The following RABGAP1L variants were observed in gnomAD, a reference collection of about 807,000 sequenced individuals.
RABGAP1L encodes the protein RAB GTPase activating protein 1 like.
A neutral mutation model predicts 137.7 loss-of-function variants in RABGAP1L; 63 were observed. The ratio of observed to expected loss-of-function variants is 0.46; its 90% confidence interval spans 0.37 to 0.56. RABGAP1L has a LOEUF of 0.56. Among genes scored for constraint, RABGAP1L ranks in the 20% least tolerant of loss-of-function variants. RABGAP1L has a pLI of 0.00. For synonymous variants in RABGAP1L, 431 were observed against 433.7 expected (o/e 0.99, Z 0.08); for missense variants, 1,095 against 1,244.0 (o/e 0.88, Z 1.80).
chr1:174,831,141 T>C (rs1692073991), intron 19 of RABGAP1L, among the ~76,000 whole-genome samples: 1 of 148,204 alleles, frequency 6.7e-6, no homozygotes, highest in Non-Finnish European at 1.5e-5. Flanking sequence ...TGTTGAACAA[T>C]GCTAACTCTA....
At chr1:174,635,654 T>A (rs900198907) in intron 13 of RABGAP1L, among the ~76,000 whole-genome samples, 1 of 151,678 alleles carries the variant, frequency 6.6e-6, no homozygotes. Context: ...TCTATTTTAA[T>A]TCAGGTTTAG....
intron 1 of RABGAP1L, among the ~76,000 whole-genome samples, chr1:174,165,125 A>C (rs1019778266): frequency 6.6e-6 from 1 of 152,180 alleles, no homozygotes; most frequent in Non-Finnish European, 1.5e-5. Flanking sequence ...AGGAACTATA[A>C]GAGTTTAGAG....
intron 19 of RABGAP1L, among the ~76,000 whole-genome samples, chr1:174,938,193 C>T (rs1665231916): frequency 6.6e-6 from 1 of 152,184 alleles, no homozygotes; most frequent in Non-Finnish European, 1.5e-5. Flanking sequence ...TACCTCACTA[C>T]TTGAATTCAG....
chr1:174,403,668 T>A (rs1395552682), intron 13 of RABGAP1L, among the ~76,000 whole-genome samples: 1 of 152,102 alleles, frequency 6.6e-6, no homozygotes, highest in East Asian at 1.9e-4. Context: ...TGGATATTGG[T>A]GTCAGGGCAT....
At chr1:174,230,345 T>G (rs1670541467) in intron 3 of RABGAP1L, among the ~76,000 whole-genome samples, 1 of 152,106 alleles carries the variant, frequency 6.6e-6, no homozygotes, top group African/African-American at 2.4e-5. Context: ...CATATATACG[T>G]ATGTAACAAA....
intron 19 of RABGAP1L, among the ~76,000 whole-genome samples, chr1:174,881,619 C>T (rs1464652070): frequency 2.0e-5 from 3 of 149,524 alleles, no homozygotes; most frequent in Non-Finnish European, 4.4e-5. Flanking sequence ...TCTGCTTAAG[C>T]CTCCCCAATA....
intron 13 of RABGAP1L, among the ~76,000 whole-genome samples, chr1:174,405,889 G>T (rs993674633): frequency 1.3e-5 from 2 of 151,838 alleles, no homozygotes; most frequent in Admixed American, 6.6e-5. Context: ...GGGGTGGGAG[G>T]ATCACTTGAG....
In RABGAP1L at chr1:174,761,457, C is replaced by T. The variant is rs1273489804; in HGVS notation, c.2211+9103C>T. On this transcript the variant is annotated intron_variant, in intron 18 of 25. Coordinates refer to ENST00000681986, the MANE Select transcript of RABGAP1L (RefSeq NM_001366446.1). The surrounding 1 kb of genome is among the most constrained non-coding windows in gnomAD (Gnocchi z 4.0). ...CTCAGTTTTCAGACGGTGCAGCCGC[C>T]AGGCAGAGGTGCTCCTCACTTCCCA... 1.3e-5 allele frequency among the ~76,000 whole-genome samples: 2 copies of T among 152,016 alleles called. No individual in the cohort carries two copies. The highest frequency in any genetic ancestry group is 4.8e-5 in the African/African-American group (2 of 41,412).
chr1:174,934,671 G>C (rs1664447018), intron 19 of RABGAP1L, among the ~76,000 whole-genome samples: 1 of 151,868 alleles, frequency 6.6e-6, no homozygotes, highest in Non-Finnish European at 1.5e-5. Context: ...TGCACCTGTG[G>C]TCCCAGCTAC....
intron 1 of RABGAP1L, among the ~76,000 whole-genome samples, chr1:174,198,778 C>T (rs1667887419): frequency 6.6e-6 from 1 of 152,146 alleles, no homozygotes. Context: ...GGTGTCTTGG[C>T]TTGTGAGGCG....
At chr1:174,889,128 C>CT (rs34006510) in intron 19 of RABGAP1L, among the ~76,000 whole-genome samples, 23,758 of 144,468 alleles carry the variant, frequency 0.16, 2,527 homozygotes, top group Non-Finnish European at 0.24. Context: ...TTAATTTTAA[C>CT]TTTTTTTTTT....
chr1:174,504,202 A>G (rs1661607889), intron 13 of RABGAP1L, among the ~76,000 whole-genome samples: 1 of 151,828 alleles, frequency 6.6e-6, no homozygotes, highest in Non-Finnish European at 1.5e-5. Flanking sequence ...CCAACTCTTG[A>G]GCTCAAGTGA....
intron 19 of RABGAP1L, among the ~76,000 whole-genome samples, chr1:174,942,972 A>C (rs907729230): frequency 1.3e-5 from 2 of 152,208 alleles, no homozygotes; most frequent in Non-Finnish European, 2.9e-5. Flanking sequence ...ACCCAGCAGA[A>C]TGATTACATA....
At chr1:174,542,908 G>A (rs1390640291) in intron 13 of RABGAP1L, among the ~76,000 whole-genome samples, 1 of 152,204 alleles carries the variant, frequency 6.6e-6, no homozygotes, top group South Asian at 2.1e-4. Flanking sequence ...GCAGCTTTGA[G>A]TGAGTTTCTT....
intron 13 of RABGAP1L, among the ~76,000 whole-genome samples, chr1:174,457,477 CTT>C (rs746968960): frequency 0.19 from 20,632 of 106,588 alleles, 1,390 homozygotes; most frequent in Admixed American, 0.22. Flanking sequence ...CAGGCATCAT[CTT>C]TTTTTTTTTT....
chr1:174,542,198 A>C (rs1665523188), intron 13 of RABGAP1L, among the ~76,000 whole-genome samples: 1 of 152,182 alleles, frequency 6.6e-6, no homozygotes, highest in South Asian at 2.1e-4. Context: ...CTCTGGTAGA[A>C]TTCAGCTGTG....
chr1:174,833,468 A>ATATATATATATATATATAT (rs1279866308), intron 19 of RABGAP1L, among the ~76,000 whole-genome samples: 49 of 107,316 alleles, frequency 4.6e-4, no homozygotes, highest in South Asian at 6.8e-4. Context: ...ATATATATAT[A>ATATATATATATATATATAT]GTAGAGACAG....
At chr1:174,772,483 G>A (rs187543155) in intron 18 of RABGAP1L, among the ~76,000 whole-genome samples, 10 of 144,858 alleles carry the variant, frequency 6.9e-5, no homozygotes, top group Non-Finnish European at 8.9e-5. Flanking sequence ...TGGGAGAATC[G>A]CTTGAACCCG....
intron 19 of RABGAP1L, among the ~76,000 whole-genome samples, chr1:174,866,113 GAGAGA>G (rs1651175532): frequency 0.022 from 137 of 6,338 alleles, 1 homozygote; most frequent in Middle Eastern, 0.062. Context: ...GGGAGGGGGA[GAGAGA>G]GAGAGAGAGA....
Sources: gnomAD v4.1 joint callset for allele counts (sites outside exome capture counted in the v4.1 genomes callset) on GRCh38, gnomAD v4.1.1 for gene constraint, Gnocchi (gnomAD v3.1) non-coding constraint, MANE v1.5 for transcripts, NCBI Gene and HGNC (gene_info 2026-07-23, HGNC 2026-07-21) for gene names.